Variants in C6orf118 observed in about 807,000 individuals in gnomAD.
C6orf118 encodes the protein chromosome 6 open reading frame 118, also known as uncharacterized protein C6orf118.
In C6orf118, 50 loss-of-function variants were observed where a neutral mutation model predicts 50.2. That is an observed-to-expected ratio of 1.00 (90% CI 0.79 to 1.26). C6orf118 has a LOEUF of 1.26. C6orf118 is among the 50% of genes most tolerant of loss of function. The pLI, the probability that C6orf118 is intolerant of heterozygous loss-of-function variation, is 0.00. For missense variants in C6orf118, 641 were observed against 578.7 expected, an observed-to-expected ratio of 1.11 and a Z score of -1.10; for synonymous variants, 239 against 230.9, an observed-to-expected ratio of 1.03 and a Z score of -0.32.
At chr6:165,281,102 A>C (rs772246352) in intron 8 of C6orf118, among the ~76,000 whole-genome samples, 3 of 152,226 alleles carry the variant, frequency 2.0e-5, no homozygotes, top group Non-Finnish European at 4.4e-5. Flanking sequence ...TCAGCTACTT[A>C]CTTTTTAAAC....
In C6orf118 at chr6:165,302,253, G is replaced by T. The variant is rs774244926; in HGVS notation, c.69C>A (p.Thr23=). ...WKHCETPGVK[T]LCNLKHCETP... is the part of the protein sequence containing the mutation. ...TCTCGCAGTGCTTCAGATTACACAG[G>T]GTCTTCACGCCTGGCGTCTCGCAGT... Residue 23 remains threonine, a synonymous_variant, in exon 2 of 9, where the codon ACC becomes ACA. Coordinates refer to ENST00000230301, the MANE Select transcript of C6orf118 (RefSeq NM_144980.4). 1 of 1,613,860 alleles carries T rather than the reference G, an allele frequency of 6.2e-7. No homozygotes were observed. Among genetic ancestry groups the T allele is most frequent in the South Asian group, 1.1e-5 (1 of 91,044 alleles).
At chr6:165,299,647 C>A in intron 3 of C6orf118, 145 bp from the exon 4 acceptor site, 1 of 615,520 alleles carries the variant, frequency 1.6e-6, no homozygotes, top group Non-Finnish European at 2.9e-6. Flanking sequence ...ATGCATTAAA[C>A]GGTATACATG....
chr6:165,295,541 A>C (rs975265970), intron 5 of C6orf118, among the ~76,000 whole-genome samples: 1 of 152,076 alleles, frequency 6.6e-6, no homozygotes, highest in African/African-American at 2.4e-5. Flanking sequence ...ACACCTCTGC[A>C]TTTTTGCCAG....
In C6orf118 at chr6:165,301,820, G is replaced by C; in HGVS notation, c.502C>G (p.Pro168Ala). Reference protein sequence around the residue: ...EKKGGPPGRGPPGWRRREELR... With the variant: ...EKKGGPPGRGAPGWRRREELR... ...TCTTCCCTCCTGCGCCATCCAGGAGGGCCCCGTCCAGGAGGGCCTCCTTTC... is the reference window on the plus strand; with the variant it reads ...TCTTCCCTCCTGCGCCATCCAGGAGCGCCCCGTCCAGGAGGGCCTCCTTTC... The change falls in exon 2 of 9, where the codon CCT becomes GCT. Residue 168 changes from proline to alanine, a missense_variant. Coordinates refer to ENST00000230301, the MANE Select transcript of C6orf118 (RefSeq NM_144980.4). 6.2e-7 allele frequency: 1 copy of C among 1,613,854 alleles called. No individual in the cohort carries two copies. The highest frequency in any genetic ancestry group is 8.5e-7 in the Non-Finnish European group (1 of 1,179,950).
chr6:165,298,208 A>G, intron 4 of C6orf118, 107 bp from the exon 5 acceptor site: 3 of 1,363,852 alleles, frequency 2.2e-6, no homozygotes, highest in South Asian at 3.2e-5. Flanking sequence ...GGGTTAACAT[A>G]TAAGTTCTAG....
chr6:165,309,483 G>A (rs1445065265), intron 1 of C6orf118, 79 bp downstream of exon 1: 1 of 1,530,122 alleles, frequency 6.5e-7, no homozygotes, highest in African/African-American at 1.4e-5. Context: ...TTTCAAATCA[G>A]TCTTCAGAAG....
intron 3 of C6orf118, 128 bp downstream of exon 3, chr6:165,300,236 G>C: frequency 1.8e-6 from 2 of 1,104,564 alleles, no homozygotes; most frequent in Non-Finnish European, 2.6e-6. Flanking sequence ...CTCTGGGAGT[G>C]ATGGTCCCTG....
intron 3 of C6orf118, among the ~76,000 whole-genome samples, chr6:165,300,083 TTAAG>T (rs536989014): frequency 8.2e-4 from 125 of 152,328 alleles, no homozygotes; most frequent in Admixed American, 1.9e-3. Flanking sequence ...AGAATTATAA[TTAAG>T]TTATATAAAA....
chr6:165,290,097 C>T (rs777539567), intron 6 of C6orf118, 30 bp from the exon 7 acceptor site: 10 of 1,394,192 alleles, frequency 7.2e-6, no homozygotes, highest in South Asian at 1.3e-5. Flanking sequence ...CAAAGTATTA[C>T]CATGTTTAAT....
In C6orf118 at chr6:165,300,446, T is replaced by C; in HGVS notation, c.794A>G (p.Asn265Ser). 6.2e-7 allele frequency: 1 copy of C among 1,613,758 alleles called. No individual in the cohort carries two copies. The highest frequency in any genetic ancestry group is 8.5e-7 in the Non-Finnish European group (1 of 1,179,770). ...KICTCSPQQFNRLHVFGKVFE... is the reference protein window; with the variant it reads ...KICTCSPQQFSRLHVFGKVFE... Reference sequence around the variant, plus strand: ...GACTTTTCCAAAGACGTGCAGTCTGTTGAACTGCTGGGGGCTGCACGTGCA... The same window carrying C: ...GACTTTTCCAAAGACGTGCAGTCTGCTGAACTGCTGGGGGCTGCACGTGCA... Residue 265 changes from asparagine to serine, a missense_variant, in exon 3 of 9, where the codon AAC becomes AGC. Physicochemically the swap from Asn to Ser is conservative, Grantham distance 46. Transcript: ENST00000230301.
At chr6:165,293,352 G>T in intron 6 of C6orf118, 61 bp downstream of exon 6, 1 of 1,463,960 alleles carries the variant, frequency 6.8e-7, no homozygotes. Context: ...CACTGCAGCA[G>T]CTGAAATAAT....
intron 7 of C6orf118, among the ~76,000 whole-genome samples, chr6:165,288,783 A>G (rs1355318339): frequency 6.6e-6 from 1 of 151,966 alleles, no homozygotes; most frequent in Non-Finnish European, 1.5e-5. Context: ...GGGGGCTGTC[A>G]GGAGGGTGAA....
intron 5 of C6orf118, 135 bp downstream of exon 5, chr6:165,297,842 A>T: frequency 2.3e-6 from 3 of 1,278,784 alleles, no homozygotes; most frequent in Admixed American, 3.4e-5. Context: ...TAGCCAGATG[A>T]CAGGCATGAT....
chr6:165,300,493 G>A lies in C6orf118; in HGVS notation c.754-7C>T. On this transcript the variant is annotated splice_polypyrimidine_tract_variant and splice_region_variant and intron_variant, in intron 2 of 8. Transcript: ENST00000230301. ...TGCAAATTTTCTGGAGCTCCTGGAGGAAAAACAGAGTCAGCCCATTTCAGG... is the reference window on the plus strand; with the variant it reads ...TGCAAATTTTCTGGAGCTCCTGGAGAAAAAACAGAGTCAGCCCATTTCAGG... 1 of 1,606,682 alleles carries A rather than the reference G, an allele frequency of 6.2e-7. No homozygotes were observed. Among genetic ancestry groups the A allele is most frequent in the East Asian group, 2.2e-5 (1 of 44,754 alleles).
chr6:165,292,457 T>C (rs892525425), intron 6 of C6orf118, among the ~76,000 whole-genome samples: 11 of 152,246 alleles, frequency 7.2e-5, no homozygotes, highest in South Asian at 2.1e-4. Context: ...CTTATTTTTA[T>C]TAATCTTTGC....
At chr6:165,288,759 G>A (rs957485391) in intron 7 of C6orf118, among the ~76,000 whole-genome samples, 7 of 152,000 alleles carry the variant, frequency 4.6e-5, no homozygotes, top group Non-Finnish European at 7.4e-5. Context: ...ACAGGAAGGG[G>A]AACAACACAC....
At position 165,301,744 on chromosome 6, in the gene C6orf118, C is replaced by T. The variant is rs767405107; in HGVS notation, c.578G>A (p.Arg193Lys). 7 of 1,614,012 alleles carry T rather than the reference C, an allele frequency of 4.3e-6. No individual in the cohort carries two copies. In the East Asian group the frequency reaches 1.6e-4, roughly 36 times the overall value. ...KVLCYQEAGSRGTRDRHHYVS... is the reference protein window; with the variant it reads ...KVLCYQEAGSKGTRDRHHYVS... ...ATAGTGGTGCCGGTCCCTGGTGCCTCTGGACCCGGCCTCCTGGTAGCACAG... is the reference window on the plus strand; with the variant it reads ...ATAGTGGTGCCGGTCCCTGGTGCCTTTGGACCCGGCCTCCTGGTAGCACAG... The change falls in exon 2 of 9, where the codon AGA becomes AAA. Residue 193 changes from arginine (R) to lysine (K), a missense_variant. Coordinates refer to ENST00000230301, the MANE Select transcript of C6orf118 (RefSeq NM_144980.4).
intron 8 of C6orf118, 50 bp from the exon 9 acceptor site, chr6:165,280,160 A>G (rs777994745): frequency 7.6e-7 from 1 of 1,312,772 alleles, no homozygotes; most frequent in Non-Finnish European, 1.1e-6. Flanking sequence ...AAATACATTA[A>G]GCATGAAATA....
intron 7 of C6orf118, among the ~76,000 whole-genome samples, chr6:165,285,455 T>C (rs1201863647): frequency 1.3e-5 from 2 of 152,120 alleles, no homozygotes; most frequent in Non-Finnish European, 2.9e-5. Flanking sequence ...GTGGACCTGA[T>C]AGATATGTAC....
Sources: allele counts gnomAD v4.1 joint callset (sites outside exome capture counted in the v4.1 genomes callset), GRCh38; gene constraint gnomAD v4.1.1; transcripts MANE v1.5; gene names NCBI Gene and HGNC (gene_info 2026-07-23, HGNC 2026-07-21).